ZCCHC14: variants seen among roughly 807,000 people sequenced by gnomAD.
ZCCHC14 encodes the protein zinc finger CCHC-type containing 14, also known as zinc finger CCHC domain-containing protein 14.
In ZCCHC14, 16 loss-of-function variants were observed where a neutral mutation model predicts 85.0. The ratio of observed to expected loss-of-function variants is 0.19; its 90% CI spans 0.13 to 0.29. The LOEUF is 0.29. ZCCHC14 is among the 10% of genes least tolerant of loss of function. The pLI, the probability that ZCCHC14 is intolerant of heterozygous loss-of-function variation, is 1.00. For missense variants in ZCCHC14, 1,303 were observed against 1,443.5 expected, an observed-to-expected ratio of 0.90 and a Z score of 1.58; for synonymous variants, 775 against 630.7, an observed-to-expected ratio of 1.23 and a Z score of -3.43.
chr16:87,439,500 G>A (rs1041353829), intron 2 of ZCCHC14, among the ~76,000 whole-genome samples: 2 of 152,164 alleles, frequency 1.3e-5, no homozygotes, highest in Non-Finnish European at 2.9e-5. Flanking sequence ...GACCAAGTGC[G>A]ATTTCCAAAG....
At chr16:87,430,489 A>C (rs941523076) in intron 3 of ZCCHC14, among the ~76,000 whole-genome samples, 1 of 150,932 alleles carries the variant, frequency 6.6e-6, no homozygotes, top group Non-Finnish European at 1.5e-5. Flanking sequence ...TTAATTACTC[A>C]AGTTCTTTCC....
intron 1 of ZCCHC14, among the ~76,000 whole-genome samples, chr16:87,461,378 C>A (rs1386765328): frequency 2.0e-5 from 3 of 152,226 alleles, no homozygotes; most frequent in Non-Finnish European, 2.9e-5. Context: ...ATAAAAATGG[C>A]CAATGCTGTA....
intron 2 of ZCCHC14, among the ~76,000 whole-genome samples, chr16:87,443,024 T>G (rs1352300392): frequency 1.3e-5 from 2 of 152,182 alleles, no homozygotes; most frequent in Non-Finnish European, 2.9e-5. Context: ...GGAAGCAAAC[T>G]TGGACCATCA....
chr16:87,411,827 C>G lies in ZCCHC14; in HGVS notation c.2894G>C (p.Ser965Thr). ...GACGTAGCCGCTGCTGCACATGGGA[C>G]TGAAGGGCAAGAAGGGGAAGGTGAA... ...SVFTFPFLPF[S>T]PMCSSGYVSA... The change falls in exon 12 of 13, where the codon AGT becomes ACT. Residue 965 changes from serine (S) to threonine (T), a missense_variant. Ser to Thr is a moderately conservative substitution (Grantham distance 58). Coordinates refer to ENST00000671377, the MANE Select transcript of ZCCHC14 (RefSeq NM_015144.3). 2 of 1,611,228 alleles carry G rather than the reference C, an allele frequency of 1.2e-6. No homozygotes were observed. The highest frequency in any genetic ancestry group is 1.7e-6 in the Non-Finnish European group (2 of 1,178,966).
chr16:87,469,575 G>T (rs1465821160), intron 1 of ZCCHC14, among the ~76,000 whole-genome samples: 1 of 152,244 alleles, frequency 6.6e-6, no homozygotes, highest in Non-Finnish European at 1.5e-5. Flanking sequence ...TAAGGCTTTT[G>T]TGAGAATTCA....
In ZCCHC14 at chr16:87,411,841, G is replaced by A. The variant is rs75574551; in HGVS notation, c.2880C>T (p.Pro960=). ...PFSGPSVFTF[P]FLPFSPMCSS... The stretch of plus-strand genomic sequence containing the variant: ...TGCACATGGGACTGAAGGGCAAGAA[G>A]GGGAAGGTGAACACGGACGGACCGG... Residue 960 remains proline, a synonymous_variant, in exon 12 of 13, where the codon CCC becomes CCT. Transcript: ENST00000671377. The A allele has an allele frequency of 6.2e-7, 1 of 1,610,786 alleles. No homozygotes were observed. The highest frequency in any genetic ancestry group is 2.2e-5 in the East Asian group (1 of 44,776).
chr16:87,490,912 C>G (rs1299876527), intron 1 of ZCCHC14, among the ~76,000 whole-genome samples: 1 of 152,234 alleles, frequency 6.6e-6, no homozygotes, highest in Non-Finnish European at 1.5e-5. Context: ...CGCGCCCAGG[C>G]CCCCAGCGAC....
intron 2 of ZCCHC14, among the ~76,000 whole-genome samples, chr16:87,454,457 C>G (rs1020251640): frequency 1.3e-5 from 2 of 152,132 alleles, no homozygotes; most frequent in African/African-American, 4.8e-5. Flanking sequence ...TTTAGAAAAA[C>G]AAGAGCCAGA....
At chr16:87,430,491 G>A (rs1347691875) in intron 3 of ZCCHC14, among the ~76,000 whole-genome samples, 4 of 150,696 alleles carry the variant, frequency 2.7e-5, no homozygotes, top group Non-Finnish European at 5.9e-5. Flanking sequence ...AATTACTCAA[G>A]TTCTTTCCAT....
intron 1 of ZCCHC14, chr16:87,472,932 T>C (rs76424793): frequency 0.017 from 2,547 of 152,396 alleles, 27 homozygotes; most frequent in Middle Eastern, 0.048. Flanking sequence ...CAGGCTGGTC[T>C]TGCACTACTG....
chr16:87,463,746 G>A (rs930642019), intron 1 of ZCCHC14, among the ~76,000 whole-genome samples: 1 of 152,142 alleles, frequency 6.6e-6, no homozygotes, highest in African/African-American at 2.4e-5. Context: ...TCGCTTCAAC[G>A]CGGGAGGTGG....
chr16:87,433,025 T>C (rs1031205869), intron 3 of ZCCHC14, 103 bp downstream of exon 3: 5 of 1,136,652 alleles, frequency 4.4e-6, no homozygotes, highest in Non-Finnish European at 6.1e-6. Flanking sequence ...GGCACGGGGC[T>C]TTGCACAAGG....
chr16:87,448,624 T>A (rs1273042879), intron 2 of ZCCHC14, among the ~76,000 whole-genome samples: 1 of 152,180 alleles, frequency 6.6e-6, no homozygotes, highest in Non-Finnish European at 1.5e-5. Flanking sequence ...TACTGAATGT[T>A]TTGCTCTGGT....
intron 2 of ZCCHC14, among the ~76,000 whole-genome samples, chr16:87,433,694 TCTCACTCTGTCTCGGCGG>T (rs1567519883): frequency 6.6e-6 from 1 of 151,528 alleles, no homozygotes; most frequent in East Asian, 1.9e-4. Flanking sequence ...TGAGACGGAG[TCTCACTCTGTCTCGGCGG>T]CTCACTGCAA....
intron 1 of ZCCHC14, among the ~76,000 whole-genome samples, chr16:87,483,249 G>A (rs1912366875): frequency 7.3e-6 from 1 of 136,060 alleles, no homozygotes; most frequent in African/African-American, 2.7e-5. Flanking sequence ...CTTGAAGTCA[G>A]GAGCTTGAGA....
intron 4 of ZCCHC14, 144 bp downstream of exon 4, chr16:87,423,666 C>T: frequency 1.2e-6 from 1 of 847,192 alleles, no homozygotes; most frequent in East Asian, 2.5e-5. Context: ...GCCTGGGACT[C>T]CACTGTGGCT....
At chr16:87,436,072 A>G (rs1053850986) in intron 2 of ZCCHC14, among the ~76,000 whole-genome samples, 7 of 152,356 alleles carry the variant, frequency 4.6e-5, no homozygotes, top group African/African-American at 7.2e-5. Flanking sequence ...CTCCCTGGCC[A>G]CAAACACCAT....
intron 3 of ZCCHC14, among the ~76,000 whole-genome samples, chr16:87,426,091 G>T (rs1396506207): frequency 6.6e-6 from 1 of 152,152 alleles, no homozygotes; most frequent in Non-Finnish European, 1.5e-5. Context: ...AACAGAGACC[G>T]CACAGTCAGG....
intron 12 of ZCCHC14, 130 bp downstream of exon 12, chr16:87,411,386 C>T (rs758095841): frequency 5.0e-5 from 75 of 1,513,672 alleles, no homozygotes; most frequent in Non-Finnish European, 6.0e-5. Context: ...AAGATTTCCA[C>T]GCGCTTTCAA....
Sources: allele counts gnomAD v4.1 joint callset (sites outside exome capture counted in the v4.1 genomes callset), GRCh38; gene constraint gnomAD v4.1.1; transcripts MANE v1.5; gene names NCBI Gene and HGNC (gene_info 2026-07-23, HGNC 2026-07-21).